RAB31: variants seen among roughly 807,000 people sequenced by gnomAD.
RAB31 encodes the protein RAB31, member RAS oncogene family.
Under a neutral mutation model 25.6 loss-of-function variants are expected in RAB31, and 21 were observed. The ratio of observed to expected loss-of-function variants is 0.82; its 90% CI spans 0.58 to 1.18. RAB31 has a LOEUF of 1.18. Among genes scored for constraint, RAB31 ranks in the 50% most tolerant of loss-of-function variants. RAB31 has a pLI of 0.00. For synonymous variants in RAB31, 87 were observed against 84.0 expected (o/e 1.04, Z -0.20); for missense variants, 196 against 250.1 (o/e 0.78, Z 1.46).
intron 6 of RAB31, among the ~76,000 whole-genome samples, chr18:9,850,534 T>A (rs1474285066): frequency 6.6e-6 from 1 of 152,250 alleles, no homozygotes; most frequent in African/African-American, 2.4e-5. Context: ...ATGTCTGGAT[T>A]GGGGTGGAAC....
intron 6 of RAB31, among the ~76,000 whole-genome samples, chr18:9,853,167 G>T (rs2068797772): frequency 6.6e-6 from 1 of 151,990 alleles, no homozygotes; most frequent in African/African-American, 2.4e-5. Flanking sequence ...TTTCTCCCAA[G>T]CTGTGGCTTG....
intron 1 of RAB31, among the ~76,000 whole-genome samples, chr18:9,747,859 A>G (rs2068213488): frequency 6.6e-6 from 1 of 152,228 alleles, no homozygotes; most frequent in South Asian, 2.1e-4. Flanking sequence ...ATGCTATGTG[A>G]ATTTCAGCAC....
intron 1 of RAB31, among the ~76,000 whole-genome samples, chr18:9,732,982 T>C (rs1360408534): frequency 1.3e-5 from 2 of 152,194 alleles, no homozygotes; most frequent in African/African-American, 2.4e-5. Flanking sequence ...AGGGAAGCAA[T>C]GGTGATGAGC....
intron 1 of RAB31, among the ~76,000 whole-genome samples, chr18:9,752,685 G>A (rs1351888318): frequency 6.6e-6 from 1 of 152,152 alleles, no homozygotes; most frequent in Non-Finnish European, 1.5e-5. Context: ...TTCTATTTCT[G>A]TATGTTTTAT....
chr18:9,782,609 A>T lies in RAB31; in HGVS notation c.119+7252A>T, dbSNP rs148819583. ...TTCTCTGCCAGATTTTGGTTTCCAC[A>T]GATAATGAAGTCAGTTTATCAGGGC... On this transcript the variant is annotated intron_variant, in intron 2 of 6. Transcript: ENST00000578921. Among the ~76,000 whole-genome samples, 10 of 152,316 alleles carry T rather than the reference A, an allele frequency of 6.6e-5. No individual in the cohort carries two copies. In the East Asian group the frequency reaches 1.9e-3, roughly 29 times the overall value.
At chr18:9,732,502 G>A (rs78734005) in intron 1 of RAB31, among the ~76,000 whole-genome samples, 3,116 of 152,276 alleles carry the variant, frequency 0.02, 109 homozygotes, top group South Asian at 0.15. Context: ...CCCTGTTAGC[G>A]GGTTAGGTGT....
At chr18:9,837,787 G>T (rs951533213) in intron 5 of RAB31, among the ~76,000 whole-genome samples, 6 of 152,152 alleles carry the variant, frequency 3.9e-5, no homozygotes, top group African/African-American at 1.4e-4. Context: ...GTACGATGCA[G>T]TTCTACTCTT....
rs79820554 is a variant in RAB31 at position 9,718,167 on chromosome 18, G to A, written c.39+9723G>A. ...CTGCCTCAGCCTCCCAAAGTGCTGGGATTAGAAAGTGTTTTTTAAAGTTCA... is the reference window on the plus strand; with the variant it reads ...CTGCCTCAGCCTCCCAAAGTGCTGGAATTAGAAAGTGTTTTTTAAAGTTCA... On this transcript the variant is annotated intron_variant, in intron 1 of 6. Coordinates refer to ENST00000578921, the MANE Select transcript of RAB31 (RefSeq NM_006868.4). Among the ~76,000 whole-genome samples, 1,156 of 152,286 alleles carry A rather than the reference G, an allele frequency of 7.6e-3. 6 individuals carry two copies. Among genetic ancestry groups the A allele is most frequent in the Middle Eastern group, 0.024 (7 of 294 alleles).
intron 2 of RAB31, among the ~76,000 whole-genome samples, chr18:9,777,722 A>T (rs1025910444): frequency 2.7e-5 from 4 of 149,056 alleles, no homozygotes; most frequent in African/African-American, 7.4e-5. Flanking sequence ...TTGTTTAAAA[A>T]TTTTTTTAAA....
intron 2 of RAB31, among the ~76,000 whole-genome samples, chr18:9,778,556 C>T (rs766692773): frequency 9.9e-5 from 15 of 152,096 alleles, no homozygotes; most frequent in South Asian, 4.1e-4. Context: ...CTGCAACCTC[C>T]GCCTCCTGAG....
At chr18:9,722,359 T>G (rs955835665) in intron 1 of RAB31, among the ~76,000 whole-genome samples, 2 of 152,058 alleles carry the variant, frequency 1.3e-5, no homozygotes, top group African/African-American at 4.8e-5. Flanking sequence ...TGATCCCATG[T>G]AAGCTGTGTT....
intron 6 of RAB31, among the ~76,000 whole-genome samples, chr18:9,848,108 A>T (rs1218147797): frequency 6.6e-6 from 1 of 152,174 alleles, no homozygotes; most frequent in Non-Finnish European, 1.5e-5. Flanking sequence ...CTGTTTTATT[A>T]TACTTTGGTT....
intron 5 of RAB31, among the ~76,000 whole-genome samples, chr18:9,829,435 G>T (rs1038449917): frequency 6.6e-6 from 1 of 152,210 alleles, no homozygotes; most frequent in Non-Finnish European, 1.5e-5. Flanking sequence ...TTTATGAGTG[G>T]AACACAGTTT....
At chr18:9,786,026 G>A (rs936724537) in intron 2 of RAB31, among the ~76,000 whole-genome samples, 1 of 147,734 alleles carries the variant, frequency 6.8e-6, no homozygotes, top group Non-Finnish European at 1.5e-5. Flanking sequence ...ACTCTAGCGT[G>A]GGCGACAGAG....
intron 1 of RAB31, among the ~76,000 whole-genome samples, chr18:9,722,324 G>A (rs1376630459): frequency 2.6e-5 from 4 of 152,170 alleles, no homozygotes; most frequent in Non-Finnish European, 4.4e-5. Flanking sequence ...GTGACTTCCA[G>A]AGTGTAGCAG....
intron 1 of RAB31, among the ~76,000 whole-genome samples, chr18:9,759,744 C>T (rs984644532): frequency 2.6e-5 from 4 of 151,990 alleles, no homozygotes; most frequent in African/African-American, 4.8e-5. Context: ...CATACATGGT[C>T]GGGCCTCTCA....
chr18:9,737,230 T>G (rs2068155432), intron 1 of RAB31, among the ~76,000 whole-genome samples: 1 of 152,136 alleles, frequency 6.6e-6, no homozygotes, highest in Non-Finnish European at 1.5e-5. Flanking sequence ...GCAGTCTTTT[T>G]TGTCAGCATA....
Position 9,836,521 on chromosome 18 carries a change from A to G in RAB31, c.381-9061A>G, listed in dbSNP as rs547749713. Reference sequence around the variant, plus strand: ...GTCAGATTATGAATTGGATAGAGTGAAAAAATATCAGACTTGACTTTTTAT... The same window carrying G: ...GTCAGATTATGAATTGGATAGAGTGGAAAAATATCAGACTTGACTTTTTAT... On this transcript the variant is annotated intron_variant, in intron 5 of 6. Coordinates refer to ENST00000578921, the MANE Select transcript of RAB31 (RefSeq NM_006868.4). 5.9e-5 allele frequency among the ~76,000 whole-genome samples: 9 copies of G among 152,342 alleles called. No individual in the cohort carries two copies. In the South Asian group the frequency reaches 1.7e-3, roughly 28 times the overall value.
Position 9,754,464 on chromosome 18 carries a change from G to C in RAB31, c.40-20814G>C, listed in dbSNP as rs112301640. 5.0e-3 allele frequency among the ~76,000 whole-genome samples: 761 copies of C among 152,178 alleles called. 5 individuals are homozygous for C. Among genetic ancestry groups the C allele is most frequent in the African/African-American group, 0.017 (720 of 41,504 alleles). Reference sequence around the variant, plus strand: ...CCGGCTAATTTTTGTATTTTTAGTAGAGACGGGGTTTCACCATGTTGGTCA... The same window carrying C: ...CCGGCTAATTTTTGTATTTTTAGTACAGACGGGGTTTCACCATGTTGGTCA... On this transcript the variant is annotated intron_variant, in intron 1 of 6. Transcript: ENST00000578921.
Sources: gnomAD v4.1 joint callset for allele counts (sites outside exome capture counted in the v4.1 genomes callset) on GRCh38, gnomAD v4.1.1 for gene constraint, MANE v1.5 for transcripts, NCBI Gene and HGNC (gene_info 2026-07-23, HGNC 2026-07-21) for gene names.